Variants in UBOX5 observed in about 807,000 individuals in gnomAD.
UBOX5 encodes RING finger protein 37.
In UBOX5, 28 loss-of-function variants were observed where a neutral mutation model predicts 39.0. The observed-to-expected ratio is 0.72, with a 90% confidence interval of 0.53 to 0.98. UBOX5 has a LOEUF of 0.98. Among genes scored for constraint, UBOX5 ranks in the 50% least tolerant of loss-of-function variants. The pLI is 0.00. For missense variants in UBOX5, 585 were observed against 674.4 expected (o/e 0.87, Z 1.47); for synonymous variants, 283 against 275.5 (o/e 1.03, Z -0.27).
At chr20:3,123,946 G>A (rs2066357669) in intron 1 of UBOX5, among the ~76,000 whole-genome samples, 1 of 152,154 alleles carries the variant, frequency 6.6e-6, no homozygotes, top group Admixed American at 6.5e-5. Flanking sequence ...CCAACAATTT[G>A]GGAGGCTGAG....
At chr20:3,124,317 C>G (rs1349361908) in intron 1 of UBOX5, among the ~76,000 whole-genome samples, 3 of 152,210 alleles carry the variant, frequency 2.0e-5, no homozygotes, top group African/African-American at 4.8e-5. Flanking sequence ...CTGCCTCGGG[C>G]TCCCGTGATT....
At chr20:3,131,550 T>C (rs577440201) in intron 1 of UBOX5, among the ~76,000 whole-genome samples, 2 of 152,352 alleles carry the variant, frequency 1.3e-5, no homozygotes, top group Non-Finnish European at 2.9e-5. Flanking sequence ...GGGATATTAT[T>C]GCACATTCAT....
At position 3,110,133 on chromosome 20, in the gene UBOX5, G is replaced by A. The variant is rs758032773; in HGVS notation, c.1599C>T (p.Ser533=). The change falls in exon 5 of 5, where the codon AGC becomes AGT. Residue 533 remains serine, a synonymous_variant. Coordinates refer to ENST00000217173, the MANE Select transcript of UBOX5 (RefSeq NM_014948.4). The stretch of plus-strand genomic sequence containing the variant: ...AGAAGTGGACCCGCAGCACGTCTTG[G>A]CTAGCAACCGGCCGCTGGCAGGCTG... ...TCTACQRPVA[S]QDVLRVHF 3 of 1,612,610 alleles carry A rather than the reference G, an allele frequency of 1.9e-6. No homozygotes were observed. The highest frequency in any genetic ancestry group is 1.7e-6 in the Non-Finnish European group (2 of 1,180,026).
At chr20:3,131,185 T>C (rs894462202) in intron 1 of UBOX5, among the ~76,000 whole-genome samples, 4 of 150,678 alleles carry the variant, frequency 2.7e-5, no homozygotes, top group East Asian at 2.0e-4. Context: ...GCCGAGATCA[T>C]GCCACTGCAT....
intron 1 of UBOX5, among the ~76,000 whole-genome samples, chr20:3,155,052 CAAAAAA>C (rs11326176): frequency 5.1e-4 from 49 of 96,106 alleles, no homozygotes; most frequent in East Asian, 8.8e-4. Flanking sequence ...GACACAGTCT[CAAAAAA>C]AAAAAAAAAA....
intron 1 of UBOX5, among the ~76,000 whole-genome samples, chr20:3,151,560 G>A (rs2066625285): frequency 6.6e-6 from 1 of 152,104 alleles, no homozygotes; most frequent in Admixed American, 6.5e-5. Flanking sequence ...AGCTGAGGCA[G>A]AAGGATTGCT....
At chr20:3,123,711 C>T (rs1162446132) in intron 1 of UBOX5, among the ~76,000 whole-genome samples, 1 of 152,062 alleles carries the variant, frequency 6.6e-6, no homozygotes, top group Non-Finnish European at 1.5e-5. Context: ...GGGGTTGCCA[C>T]AGGAAGGGAG....
intron 3 of UBOX5, among the ~76,000 whole-genome samples, chr20:3,117,511 C>G (rs2066302516): frequency 6.6e-6 from 1 of 152,170 alleles, no homozygotes; most frequent in South Asian, 2.1e-4. Context: ...TGGTGAAACA[C>G]CGTCTCTAAT....
rs760741188 is a variant in UBOX5, at chr20:3,121,419, T to C, written c.1220A>G (p.Asn407Ser). The change falls in exon 3 of 5, where the codon AAT becomes AGT. Residue 407 changes from asparagine to serine, a missense_variant. Asn to Ser is a conservative substitution (Grantham distance 46). Transcript: ENST00000217173. ...GTCCATATGTGTCAGGCTGGGCTCA[T>C]TGGTGGCTTTCATTTTCTTAGCAGT... Reference protein sequence around the residue: ...EHTAKKMKATNEPSLTHMDCS... With the variant: ...EHTAKKMKATSEPSLTHMDCS... The C allele has an allele frequency of 1.1e-5, 17 of 1,613,792 alleles. No individual in the cohort carries two copies. Among genetic ancestry groups the C allele is most frequent in the South Asian group, 2.2e-5 (2 of 91,062 alleles).
At chr20:3,114,880 G>A (rs1039654553) in intron 4 of UBOX5, among the ~76,000 whole-genome samples, 4 of 152,114 alleles carry the variant, frequency 2.6e-5, no homozygotes, top group East Asian at 1.9e-4. Flanking sequence ...TCCAGGAGGC[G>A]GAGGTTGCAG....
In UBOX5 at chr20:3,122,220, G is replaced by T. The variant is rs751705927; in HGVS notation, c.419C>A (p.Pro140His). Residue 140 changes from proline to histidine, a missense_variant, in exon 3 of 5, where the codon CCC (proline) becomes CAC (histidine). Pro to His is a moderately conservative substitution (Grantham distance 77, BLOSUM62 -2). Transcript: ENST00000217173. The stretch of plus-strand genomic sequence containing the variant: ...TGTGGCTTCCATCGCGCCAAAAGGG[G>T]GCCTGGCCTTGAAGCCCCTGTGGCT... ...VFSHRGFKAR[P>H]PFGAMEATLP... The T allele has an allele frequency of 6.8e-6, 11 of 1,614,246 alleles. No homozygotes were observed. The South Asian group carries it at 9.9e-5, about 15-fold the overall frequency.
At chr20:3,142,358 T>A (rs976605144) in intron 1 of UBOX5, among the ~76,000 whole-genome samples, 5 of 151,834 alleles carry the variant, frequency 3.3e-5, no homozygotes, top group Admixed American at 6.6e-5. Flanking sequence ...CTCAGCACTT[T>A]GGGATGCCAA....
rs769074704 is a variant in UBOX5 at position 3,149,029 on chromosome 20, T to C, written c.-42+10737A>G. 3.1e-6 allele frequency: 5 copies of C among 1,613,852 alleles called. No individual in the cohort carries two copies. In the Admixed American group the frequency reaches 8.3e-5, roughly 27 times the overall value. On this transcript the variant is annotated intron_variant, in intron 1 of 4. Transcript: ENST00000217173. This position sits in a 1 kb window ranked among gnomAD's most constrained non-coding sequence, Gnocchi z 4.1. ...CAAAGGCAGAAGGACTGCAAAATGCTCGGTATCTTACAAGTTTTAATGACT... is the reference window on the plus strand; with the variant it reads ...CAAAGGCAGAAGGACTGCAAAATGCCCGGTATCTTACAAGTTTTAATGACT...
At chr20:3,154,294 G>A (rs2066662790) in intron 1 of UBOX5, among the ~76,000 whole-genome samples, 1 of 152,180 alleles carries the variant, frequency 6.6e-6, no homozygotes. Context: ...ATCCGGGCAT[G>A]AACAAGAGAT....
rs140985525 is a variant in UBOX5, at chr20:3,109,396, C to T, written c.*710G>A. 19 of 152,568 alleles carry T rather than the reference C, an allele frequency of 1.2e-4. No individual in the cohort carries two copies. The highest frequency in any genetic ancestry group is 4.6e-4 in the African/African-American group (19 of 41,514). 9.5% of individuals were successfully genotyped at this position (152,568 alleles called of 1,614,324 possible). A position where few individuals can be genotyped will look rare whatever the true frequency, so the allele number is the denominator to read the frequency against. On this transcript the variant is annotated 3_prime_UTR_variant, in exon 5 of 5. Transcript: ENST00000217173. ...GAGGGAGCCCTCCACCCTCCCACCA[C>T]GTATGCCCACCTGCAAACCTGGGTT...
rs2066452986 is a variant in UBOX5 at position 3,134,405 on chromosome 20, C to T, written c.-41-10999G>A. Among the ~76,000 whole-genome samples, 3 of 151,852 alleles carry T rather than the reference C, an allele frequency of 2.0e-5. No individual in the cohort carries two copies. The South Asian group carries it at 6.2e-4, about 32-fold the overall frequency. On this transcript the variant is annotated intron_variant, in intron 1 of 4. Transcript: ENST00000217173. ...TGGGAAAAATAAGAAATGAAATGAA[C>T]GGCCTTCTCTGTGAGTCATGAGACA...
intron 4 of UBOX5, 76 bp from the exon 5 acceptor site, chr20:3,110,390 C>T: frequency 6.6e-7 from 1 of 1,522,476 alleles, no homozygotes; most frequent in Non-Finnish European, 9.1e-7. Flanking sequence ...AGGGGCAGAG[C>T]CTTCCCACCG....
At chr20:3,120,417 G>A (rs1454895982) in intron 3 of UBOX5, among the ~76,000 whole-genome samples, 1 of 149,440 alleles carries the variant, frequency 6.7e-6, no homozygotes, top group Non-Finnish European at 1.5e-5. Context: ...GGGAGGCCAA[G>A]GTGGGTGGAT....
At chr20:3,156,173 C>CTTT (rs761149925) in intron 1 of UBOX5, among the ~76,000 whole-genome samples, 8 of 130,128 alleles carry the variant, frequency 6.1e-5, no homozygotes, top group East Asian at 2.2e-4. Flanking sequence ...ACTTCTGACT[C>CTTT]TTTTTTTTTT....
Sources: allele counts gnomAD v4.1 joint callset (sites outside exome capture counted in the v4.1 genomes callset), GRCh38; gene constraint gnomAD v4.1.1; non-coding constraint Gnocchi (gnomAD v3.1); transcripts MANE v1.5; gene names NCBI Gene and HGNC (gene_info 2026-07-23, HGNC 2026-07-21).